The following KLB variants were observed in gnomAD, a reference collection of about 807,000 sequenced individuals.
KLB encodes klotho beta, also known as beta-klotho.
Under a neutral mutation model 88.4 loss-of-function variants are expected in KLB, and 44 were observed. The ratio of observed to expected loss-of-function variants is 0.50; its 90% CI spans 0.39 to 0.64. The LOEUF (loss-of-function observed/expected upper bound fraction) is 0.64. Among genes scored for constraint, KLB ranks in the 30% least tolerant of loss-of-function variants. The pLI is 0.00. For missense variants in KLB, 1,137 were observed against 1,304.8 expected, an observed-to-expected ratio of 0.87 and a Z score of 1.98; for synonymous variants, 548 against 513.4, an observed-to-expected ratio of 1.07 and a Z score of -0.91.
At chr4:39,433,815 G>A (rs919348243) in intron 1 of KLB, among the ~76,000 whole-genome samples, 2 of 151,992 alleles carry the variant, frequency 1.3e-5, no homozygotes, top group African/African-American at 2.4e-5. Context: ...AGCTGAGATC[G>A]CACCACTACA....
At chr4:39,438,259 C>T (rs1478849234) in intron 3 of KLB, among the ~76,000 whole-genome samples, 1 of 152,132 alleles carries the variant, frequency 6.6e-6, no homozygotes, top group Non-Finnish European at 1.5e-5. Flanking sequence ...CTAGAGGGAA[C>T]TTACTGTCAT....
Position 39,437,752 on chromosome 4 carries a change from G to A in KLB, c.1362G>A (p.Val454=), listed in dbSNP as rs761640633. The change falls in exon 3 of 5, where the codon GTG becomes GTA. Residue 454 remains valine, a synonymous_variant. Transcript: ENST00000257408. ...CAATAAGGTTAGATGAAATACGAGT[G>A]TTTGGTTATACTGCCTGGTCTCTCC... The part of the protein sequence containing the change: ...LQAIRLDEIR[V]FGYTAWSLLD... 50 of 1,612,658 alleles carry A rather than the reference G, an allele frequency of 3.1e-5. No individual in the cohort carries two copies. Among genetic ancestry groups the A allele is most frequent in the Non-Finnish European group, 4.1e-5 (48 of 1,178,938 alleles).
intron 1 of KLB, among the ~76,000 whole-genome samples, chr4:39,419,898 C>G (rs192465834): frequency 7.2e-6 from 1 of 138,092 alleles, no homozygotes; most frequent in African/African-American, 2.8e-5. Flanking sequence ...GAGCCAAGAT[C>G]GTGCCACTGC....
chr4:39,442,523 T>A (rs1743632571), intron 3 of KLB, among the ~76,000 whole-genome samples: 1 of 149,196 alleles, frequency 6.7e-6, no homozygotes, highest in East Asian at 2.1e-4. Context: ...AACCTCTGCC[T>A]CCCGGGTTCA....
chr4:39,424,784 A>AT (rs1743166379), intron 1 of KLB, among the ~76,000 whole-genome samples: 2 of 151,990 alleles, frequency 1.3e-5, no homozygotes, highest in African/African-American at 4.8e-5. Flanking sequence ...ATGTGCCACC[A>AT]CGCCTGGCTA....
Position 39,447,374 on chromosome 4 carries a change from T to TG in KLB, c.2650dup (p.Asp884GlyfsTer17). ...TGGGTCCGGAGGAACTACGGCGACA[T>TG]GGACATTTACATCACCGCCAGTGGC... On this transcript the variant is annotated frameshift_variant, in exon 4 of 5. Coordinates refer to ENST00000257408, the MANE Select transcript of KLB (RefSeq NM_175737.4). LOFTEE classifies it high-confidence loss of function. The TG allele has an allele frequency of 6.2e-7, 1 of 1,613,730 alleles. No individual in the cohort carries two copies.
Position 39,449,017 on chromosome 4 carries a change from ATTAT to A in KLB, c.*334_*337del. ...CCAATAGCTACTTGTGGTACAATAA[ATTAT>A]TTTTAAGAAGTAAAACTCTGGGGCT... On this transcript the variant is annotated 3_prime_UTR_variant, in exon 5 of 5. Coordinates refer to ENST00000257408, the MANE Select transcript of KLB (RefSeq NM_175737.4). The A allele has an allele frequency of 9.8e-6, 2 of 204,076 alleles. No homozygotes were observed. Among genetic ancestry groups the A allele is most frequent in the Non-Finnish European group, 2.0e-5 (2 of 100,442 alleles). The allele number at this position is 204,076 out of a possible 1,614,324, so 12.6% of individuals were successfully genotyped here. A position where few individuals can be genotyped will look rare whatever the true frequency, so the allele number is the denominator to read the frequency against.
chr4:39,437,593 T>G, intron 2 of KLB, 134 bp from the exon 3 acceptor site: 2 of 1,014,186 alleles, frequency 2.0e-6, no homozygotes, highest in East Asian at 2.4e-5. Context: ...ATTTTCTATT[T>G]GATACAGCAG....
chr4:39,424,318 G>T (rs1743150846), intron 1 of KLB, among the ~76,000 whole-genome samples: 1 of 151,842 alleles, frequency 6.6e-6, no homozygotes, highest in Non-Finnish European at 1.5e-5. Context: ...TGATCCACCA[G>T]CCTTGGCTTC....
At chr4:39,432,782 A>G (rs540870736) in intron 1 of KLB, among the ~76,000 whole-genome samples, 4 of 152,226 alleles carry the variant, frequency 2.6e-5, no homozygotes, top group African/African-American at 4.8e-5. Flanking sequence ...ACCAATAATA[A>G]TAACATCCAC....
At chr4:39,411,602 C>A (rs1298753297) in intron 1 of KLB, among the ~76,000 whole-genome samples, 1 of 151,600 alleles carries the variant, frequency 6.6e-6, no homozygotes, top group African/African-American at 2.4e-5. Context: ...TCACTGCAAC[C>A]TCCGCCTCCC....
intron 1 of KLB, among the ~76,000 whole-genome samples, chr4:39,417,881 A>C (rs555930927): frequency 1.3e-5 from 2 of 152,286 alleles, no homozygotes; most frequent in South Asian, 4.1e-4. Context: ...CCAAGATTAC[A>C]TAGAGGATAA....
chr4:39,434,812 C>CTTT, intron 2 of KLB, 92 bp downstream of exon 2: 15 of 809,334 alleles, frequency 1.9e-5, no homozygotes, highest in Non-Finnish European at 2.5e-5. Context: ...TATTGTTGGG[C>CTTT]TTTTTTTTTT....
chr4:39,448,643 T>TA lies in KLB; in HGVS notation c.3093dup (p.Gln1032ThrfsTer13). The TA allele has an allele frequency of 6.2e-7, 1 of 1,613,202 alleles. No homozygotes were observed. Among genetic ancestry groups the TA allele is most frequent in the Middle Eastern group, 1.6e-4 (1 of 6,062 alleles). On this transcript the variant is annotated frameshift_variant, in exon 5 of 5. Coordinates refer to ENST00000257408, the MANE Select transcript of KLB (RefSeq NM_175737.4). LOFTEE classifies it high-confidence loss of function. ...AGAAAGTTTTGGAAAGCAAAAAACT[T>TA]ACAACACATACCATTAAAGAAAGGC...
intron 3 of KLB, among the ~76,000 whole-genome samples, chr4:39,441,503 G>A (rs1743595319): frequency 6.6e-6 from 1 of 152,090 alleles, no homozygotes; most frequent in Non-Finnish European, 1.5e-5. Context: ...CTGTTCCTCA[G>A]ATACTGTGAA....
chr4:39,443,742 C>G (rs1743668029), intron 3 of KLB, among the ~76,000 whole-genome samples: 1 of 130,688 alleles, frequency 7.7e-6, no homozygotes, highest in Non-Finnish European at 1.6e-5. Context: ...GCCTGGGCAA[C>G]ACAGTGAGAC....
chr4:39,442,048 C>G (rs575746183), intron 3 of KLB, among the ~76,000 whole-genome samples: 3 of 152,190 alleles, frequency 2.0e-5, no homozygotes, highest in South Asian at 4.1e-4. Flanking sequence ...TTGAGACCAG[C>G]CTGGCCATTA....
chr4:39,430,956 C>T (rs1263736230), intron 1 of KLB, among the ~76,000 whole-genome samples: 1 of 147,152 alleles, frequency 6.8e-6, no homozygotes, highest in Non-Finnish European at 1.5e-5. Context: ...TCACTCTGTC[C>T]CCCAGGCTGG....
At chr4:39,428,706 TATTA>T (rs1407427670) in intron 1 of KLB, among the ~76,000 whole-genome samples, 1 of 152,196 alleles carries the variant, frequency 6.6e-6, no homozygotes, top group Non-Finnish European at 1.5e-5. Context: ...TTTATTTATT[TATTA>T]GTTTAATTAT....
Sources: allele counts gnomAD v4.1 joint callset (sites outside exome capture counted in the v4.1 genomes callset), GRCh38; gene constraint gnomAD v4.1.1; transcripts MANE v1.5; gene names NCBI Gene and HGNC (gene_info 2026-07-23, HGNC 2026-07-21).